CAV1: variants seen among roughly 807,000 people sequenced by gnomAD.
The protein encoded by CAV1 is caveolin 1, also known as caveolin-1.
Under a neutral mutation model 16.5 loss-of-function variants are expected in CAV1, and 10 were observed. The ratio of observed to expected loss-of-function variants is 0.61; its 90% CI spans 0.37 to 1.03. The LOEUF is 1.03. Ranked by LOEUF, CAV1 falls within the 50% of genes least tolerant of loss-of-function variation. The probability of loss-of-function intolerance (pLI) is 0.01; values close to 1 mark genes in which losing one functional copy is unlikely to be tolerated. For synonymous variants in CAV1, 76 were observed against 85.1 expected, an observed-to-expected ratio of 0.89 and a Z score of 0.59; for missense variants, 212 against 232.8, an observed-to-expected ratio of 0.91 and a Z score of 0.58.
Position 116,538,091 on chromosome 7 carries a change from C to G in CAV1, c.195+11402C>G, listed in dbSNP as rs567090761. ...GAAAGGAAGCAGGTCCTGACAGGTA[C>G]TTTGCACTAAACAGCTCCTTATAAG... On this transcript the variant is annotated intron_variant, in intron 2 of 2. Transcript: ENST00000341049. Among the ~76,000 whole-genome samples, 58 of 152,316 alleles carry G rather than the reference C, an allele frequency of 3.8e-4. No individual in the cohort carries two copies. The South Asian group carries it at 5.4e-3, about 14-fold the overall frequency.
intron 2 of CAV1, among the ~76,000 whole-genome samples, chr7:116,554,541 G>T (rs1364467347): frequency 1.3e-5 from 2 of 152,184 alleles, no homozygotes; most frequent in African/African-American, 4.8e-5. Flanking sequence ...AGTTCTAATT[G>T]CAGCTTTTCC....
At chr7:116,554,167 A>G (rs1339110470) in intron 2 of CAV1, among the ~76,000 whole-genome samples, 1 of 152,126 alleles carries the variant, frequency 6.6e-6, no homozygotes, top group Non-Finnish European at 1.5e-5. Flanking sequence ...GCTTTGATTG[A>G]TGTGGATCTC....
At chr7:116,547,198 GTGTC>G (rs890438812) in intron 2 of CAV1, among the ~76,000 whole-genome samples, 1 of 152,144 alleles carries the variant, frequency 6.6e-6, no homozygotes, top group African/African-American at 2.4e-5. Flanking sequence ...CACATTCTGA[GTGTC>G]TGGGGATTAG....
chr7:116,525,351 C>T (rs1200597811), intron 1 of CAV1: 1 of 1,543,600 alleles, frequency 6.5e-7, no homozygotes, highest in Non-Finnish European at 8.7e-7. Context: ...GATTGGGGTC[C>T]TGAGATTGGG....
chr7:116,528,979 G>A (rs528172806), intron 2 of CAV1, among the ~76,000 whole-genome samples: 17 of 152,138 alleles, frequency 1.1e-4, no homozygotes, highest in South Asian at 8.3e-4. Context: ...ACAAGTGCAC[G>A]CCACCATGCC....
intron 2 of CAV1, among the ~76,000 whole-genome samples, chr7:116,557,929 G>T (rs531127764): frequency 6.6e-6 from 1 of 152,098 alleles, no homozygotes; most frequent in South Asian, 2.1e-4. Context: ...ATTCAGTCTG[G>T]CCTCAACCTG....
At chr7:116,557,867 T>A (rs1794321858) in intron 2 of CAV1, among the ~76,000 whole-genome samples, 1 of 152,164 alleles carries the variant, frequency 6.6e-6, no homozygotes, top group South Asian at 2.1e-4. Context: ...CGATTGTGGC[T>A]ACACTCCCCT....
chr7:116,529,251 C>T lies in CAV1; in HGVS notation c.195+2562C>T, dbSNP rs78458405. Among the ~76,000 whole-genome samples, 141 of 152,238 alleles carry T rather than the reference C, an allele frequency of 9.3e-4. 3 individuals carry two copies. In the East Asian group the frequency reaches 0.022, roughly 24 times the overall value. ...TCACATAATAAGAAAGAACCAGTGGCCAATGGAATCTACTGTTAAAGGTAC... is the reference window on the plus strand; with the variant it reads ...TCACATAATAAGAAAGAACCAGTGGTCAATGGAATCTACTGTTAAAGGTAC... On this transcript the variant is annotated intron_variant, in intron 2 of 2. Transcript: ENST00000341049.
intron 2 of CAV1, among the ~76,000 whole-genome samples, chr7:116,537,614 C>T (rs1584774225): frequency 6.6e-6 from 1 of 152,190 alleles, no homozygotes; most frequent in East Asian, 1.9e-4. Context: ...CAGTGCCTCT[C>T]TGTAATAAGT....
intron 2 of CAV1, among the ~76,000 whole-genome samples, chr7:116,541,426 A>G (rs1399008283): frequency 2.0e-5 from 3 of 152,290 alleles, no homozygotes; most frequent in African/African-American, 7.2e-5. Context: ...AATAATAGGA[A>G]AGGCTAGCAC....
chr7:116,543,945 T>C (rs1372472805), intron 2 of CAV1, among the ~76,000 whole-genome samples: 2 of 152,216 alleles, frequency 1.3e-5, no homozygotes, highest in Non-Finnish European at 1.5e-5. Flanking sequence ...GTAAAGAGTT[T>C]GTTTCTCTCT....
At chr7:116,537,113 T>C (rs2115994757) in intron 2 of CAV1, among the ~76,000 whole-genome samples, 1 of 152,206 alleles carries the variant, frequency 6.6e-6, no homozygotes, top group South Asian at 2.1e-4. Flanking sequence ...ACACAACCAT[T>C]TCCTCTTAAT....
At chr7:116,541,886 A>G (rs1793948647) in intron 2 of CAV1, among the ~76,000 whole-genome samples, 1 of 152,156 alleles carries the variant, frequency 6.6e-6, no homozygotes, top group African/African-American at 2.4e-5. Flanking sequence ...ATTTGTCTAT[A>G]TAACTTCTCA....
intron 1 of CAV1, chr7:116,525,573 T>C: frequency 8.3e-7 from 1 of 1,200,462 alleles, no homozygotes; most frequent in Non-Finnish European, 1.1e-6. Context: ...TGTTTGCACT[T>C]TCCAAAGTTC....
intron 2 of CAV1, among the ~76,000 whole-genome samples, chr7:116,555,480 A>AAGGAAGGAAGG (rs1327638542): frequency 3.8e-4 from 3 of 7,914 alleles, no homozygotes; most frequent in African/African-American, 6.0e-4. Flanking sequence ...AGGAAGGAGG[A>AAGGAAGGAAGG]AAGAAAAGAA....
chr7:116,554,981 G>A (rs1409246816), intron 2 of CAV1, among the ~76,000 whole-genome samples: 7 of 152,076 alleles, frequency 4.6e-5, no homozygotes, highest in Admixed American at 4.6e-4. Flanking sequence ...TTAACCCCCG[G>A]CAGTATTCTC....
intron 2 of CAV1, among the ~76,000 whole-genome samples, chr7:116,527,687 G>C (rs1793596169): frequency 1.3e-5 from 2 of 152,132 alleles, no homozygotes; most frequent in Admixed American, 6.5e-5. Context: ...AAAAATCCTG[G>C]CTCAGGGACT....
chr7:116,554,473 C>T (rs890674642), intron 2 of CAV1, among the ~76,000 whole-genome samples: 1 of 152,052 alleles, frequency 6.6e-6, no homozygotes, highest in Non-Finnish European at 1.5e-5. Flanking sequence ...GATGTAACTT[C>T]CTAGGGAAAA....
chr7:116,540,704 C>A (rs1218582576), intron 2 of CAV1, among the ~76,000 whole-genome samples: 1 of 152,048 alleles, frequency 6.6e-6, no homozygotes, highest in Non-Finnish European at 1.5e-5. Flanking sequence ...GTGACTTAGA[C>A]AAATTACAAT....
Sources: gnomAD v4.1 joint callset for allele counts (sites outside exome capture counted in the v4.1 genomes callset) on GRCh38, gnomAD v4.1.1 for gene constraint, MANE v1.5 for transcripts, NCBI Gene and HGNC (gene_info 2026-07-23, HGNC 2026-07-21) for gene names.